The following RFX4 variants were observed in gnomAD, a reference collection of about 807,000 sequenced individuals.
RFX4 encodes regulatory factor X4.
In RFX4, 10 loss-of-function variants were observed where a neutral mutation model predicts 95.0. The observed-to-expected ratio is 0.11, with a 90% confidence interval of 0.06 to 0.18. The LOEUF is 0.18. Ranked by LOEUF, RFX4 falls within the 10% of genes least tolerant of loss-of-function variation. The pLI is 1.00. For missense variants in RFX4, 640 were observed against 922.0 expected (o/e 0.69, Z 3.96); for synonymous variants, 321 against 340.7 (o/e 0.94, Z 0.64).
intron 17 of RFX4, among the ~76,000 whole-genome samples, chr12:106,752,302 T>C: frequency 6.6e-6 from 1 of 151,908 alleles, no homozygotes; most frequent in Non-Finnish European, 1.5e-5. Context: ...TCTATATCTC[T>C]GTTTTGGTAC....
intron 1 of RFX4, among the ~76,000 whole-genome samples, chr12:106,607,135 C>A (rs79462485): frequency 0.1 from 15,813 of 152,204 alleles, 994 homozygotes; most frequent in Middle Eastern, 0.14. Flanking sequence ...ACCACACTGT[C>A]CAAAAGCCTG....
chr12:106,739,710 A>G (rs560742412), intron 15 of RFX4, among the ~76,000 whole-genome samples: 2 of 152,332 alleles, frequency 1.3e-5, no homozygotes, highest in South Asian at 4.1e-4. Flanking sequence ...CGGCAATGTC[A>G]TGATAAGAGG....
chr12:106,737,252 A>G (rs981046339), intron 15 of RFX4, among the ~76,000 whole-genome samples: 2 of 120,636 alleles, frequency 1.7e-5, no homozygotes, highest in Admixed American at 2.5e-4. Context: ...GCATTTACTC[A>G]TTTACTCACC....
At chr12:106,601,208 CA>C in intron 1 of RFX4, 2 of 1,542,424 alleles carry the variant, frequency 1.3e-6, no homozygotes, top group Non-Finnish European at 1.8e-6. Context: ...TGGGCTTCTC[CA>C]AACTCCTGTG....
intron 7 of RFX4, among the ~76,000 whole-genome samples, chr12:106,695,214 C>A (rs1336187016): frequency 6.6e-6 from 1 of 150,948 alleles, no homozygotes; most frequent in Non-Finnish European, 1.5e-5. Context: ...ATCCAGAAAC[C>A]AAGTCAAACC....
chr12:106,648,860 G>A (rs931347867), intron 3 of RFX4, among the ~76,000 whole-genome samples: 6 of 152,014 alleles, frequency 3.9e-5, no homozygotes, highest in South Asian at 2.1e-4. Flanking sequence ...GCCAGGTGCC[G>A]AAACATTTGC....
rs1466969253 is a variant in RFX4, at chr12:106,762,653, C to T, written c.*1184C>T. 6.6e-6 allele frequency: 1 copy of T among 152,480 alleles called. No individual in the cohort carries two copies. Among genetic ancestry groups the T allele is most frequent in the Non-Finnish European group, 1.5e-5 (1 of 68,018 alleles). The allele number at this position is 152,480 out of a possible 1,614,324, so 9.4% of individuals were successfully genotyped here. ...TAAGAAATAAATGGAAATATGACAT[C>T]GGATGTTTCAGCAACTGTTCTGTAA... On this transcript the variant is annotated 3_prime_UTR_variant, in exon 18 of 18. Transcript: ENST00000392842.
At chr12:106,666,633 G>A (rs1000735967) in intron 4 of RFX4, among the ~76,000 whole-genome samples, 2 of 151,106 alleles carry the variant, frequency 1.3e-5, no homozygotes, top group Admixed American at 6.6e-5. Flanking sequence ...TTTAGTTTTT[G>A]AAGTTTCTGT....
chr12:106,636,286 G>T (rs906859934), intron 2 of RFX4, among the ~76,000 whole-genome samples: 5 of 151,758 alleles, frequency 3.3e-5, no homozygotes, highest in African/African-American at 1.2e-4. Flanking sequence ...GCTACTTGGG[G>T]GGCTGAGGCA....
At chr12:106,630,438 T>C (rs899442285) in intron 2 of RFX4, among the ~76,000 whole-genome samples, 11 of 152,166 alleles carry the variant, frequency 7.2e-5, no homozygotes, top group East Asian at 1.9e-4. Context: ...ACAGTTTTGT[T>C]TGGGATTTAG....
chr12:106,745,519 CTG>C (rs559416088), intron 15 of RFX4, among the ~76,000 whole-genome samples: 156 of 152,360 alleles, frequency 1.0e-3, no homozygotes, highest in African/African-American at 3.5e-3. Context: ...TACCGAGTCT[CTG>C]TCACATAACT....
At chr12:106,741,930 C>T (rs912555853) in intron 15 of RFX4, among the ~76,000 whole-genome samples, 4 of 152,166 alleles carry the variant, frequency 2.6e-5, no homozygotes, top group African/African-American at 9.7e-5. Flanking sequence ...CTATGACAAT[C>T]GAATGCTGCT....
intron 15 of RFX4, 135 bp from the exon 16 acceptor site, chr12:106,747,302 T>C (rs2042914121): frequency 1.1e-6 from 1 of 889,744 alleles, no homozygotes; most frequent in Admixed American, 2.3e-5. Context: ...TCTGGTGAGC[T>C]CAGCAGAGTC....
chr12:106,685,089 G>A (rs937237201), intron 5 of RFX4, among the ~76,000 whole-genome samples: 1 of 152,132 alleles, frequency 6.6e-6, no homozygotes, highest in South Asian at 2.1e-4. Context: ...TTCTGAAAGC[G>A]AGGTCCACGG....
chr12:106,686,237 A>C (rs1344988079), intron 5 of RFX4, among the ~76,000 whole-genome samples: 1 of 151,972 alleles, frequency 6.6e-6, no homozygotes, highest in Non-Finnish European at 1.5e-5. Flanking sequence ...ATGATGGAAC[A>C]CCATCTCTAC....
intron 13 of RFX4, among the ~76,000 whole-genome samples, chr12:106,723,743 A>G (rs754184): frequency 0.37 from 56,451 of 151,972 alleles, 10,719 homozygotes; most frequent in African/African-American, 0.45. Flanking sequence ...TCTCTTTTAG[A>G]CAGAATCTGC....
intron 2 of RFX4, among the ~76,000 whole-genome samples, chr12:106,612,712 C>T (rs1466387255): frequency 6.6e-6 from 1 of 152,106 alleles, no homozygotes; most frequent in Non-Finnish European, 1.5e-5. Context: ...GTGGCAGGCA[C>T]CTGTAATCCC....
chr12:106,610,024 G>C (rs1011046778), intron 2 of RFX4, among the ~76,000 whole-genome samples: 2 of 151,990 alleles, frequency 1.3e-5, no homozygotes, highest in African/African-American at 4.8e-5. Flanking sequence ...TTTCATTGCT[G>C]TATAGTATTT....
intron 4 of RFX4, among the ~76,000 whole-genome samples, chr12:106,659,916 G>T (rs1170935778): frequency 6.6e-6 from 1 of 152,206 alleles, no homozygotes; most frequent in Non-Finnish European, 1.5e-5. Context: ...GCAGTCATTA[G>T]TAGTCATCTG....
Sources: gnomAD v4.1 joint callset for allele counts (sites outside exome capture counted in the v4.1 genomes callset) on GRCh38, gnomAD v4.1.1 for gene constraint, MANE v1.5 for transcripts, NCBI Gene and HGNC (gene_info 2026-07-23, HGNC 2026-07-21) for gene names.